Variants in CDYL2 observed in about 807,000 individuals in gnomAD.
CDYL2 encodes the protein chromodomain Y-like protein 2.
Under a neutral mutation model 49.4 loss-of-function variants are expected in CDYL2, and 23 were observed. That is an observed-to-expected ratio of 0.47 (90% CI 0.34 to 0.66). The LOEUF is 0.66. CDYL2 is among the 30% of genes least tolerant of loss of function. The pLI is 0.01. For missense variants in CDYL2, 678 were observed against 656.4 expected (o/e 1.03, Z -0.36); for synonymous variants, 360 against 268.8 (o/e 1.34, Z -3.32).
At chr16:80,764,250 C>A (rs544535327) in intron 1 of CDYL2, among the ~76,000 whole-genome samples, 3 of 152,212 alleles carry the variant, frequency 2.0e-5, no homozygotes, top group African/African-American at 7.2e-5. Flanking sequence ...TACACAGTAG[C>A]CTCAAACAGT....
intron 2 of CDYL2, among the ~76,000 whole-genome samples, chr16:80,665,092 T>C (rs1443912672): frequency 1.3e-5 from 2 of 152,222 alleles, no homozygotes; most frequent in African/African-American, 4.8e-5. Flanking sequence ...ATTTAATAAA[T>C]ATTTCATGAA....
chr16:80,624,061 C>G (rs1355083652), intron 3 of CDYL2, among the ~76,000 whole-genome samples: 1 of 152,206 alleles, frequency 6.6e-6, no homozygotes, highest in East Asian at 1.9e-4. Context: ...CCCCCTCACA[C>G]CCCTGCATAC....
chr16:80,703,199 T>C (rs1196566833), intron 1 of CDYL2, among the ~76,000 whole-genome samples: 1 of 152,228 alleles, frequency 6.6e-6, no homozygotes, highest in Non-Finnish European at 1.5e-5. Flanking sequence ...GGAGCAAGAT[T>C]AGTGTTAATT....
chr16:80,748,109 T>C (rs1182490567), intron 1 of CDYL2, among the ~76,000 whole-genome samples: 2 of 146,412 alleles, frequency 1.4e-5, no homozygotes, highest in East Asian at 4.0e-4. Flanking sequence ...TCACAGGTGA[T>C]TCTGGGAAGA....
intron 2 of CDYL2, among the ~76,000 whole-genome samples, chr16:80,654,875 AC>A (rs1908738081): frequency 6.6e-6 from 1 of 152,202 alleles, no homozygotes; most frequent in South Asian, 2.1e-4. Flanking sequence ...CGGAGAGTAA[AC>A]ACGAGTGTCT....
At chr16:80,671,017 G>T (rs1000106791) in intron 2 of CDYL2, 3 of 455,836 alleles carry the variant, frequency 6.6e-6, no homozygotes, top group Non-Finnish European at 1.3e-5. Context: ...CTTCTAACCA[G>T]TCTAGGGTTG....
intron 1 of CDYL2, chr16:80,736,399 A>T (rs1174544448): frequency 6.6e-6 from 1 of 152,210 alleles, no homozygotes; most frequent in African/African-American, 2.4e-5. Context: ...CTTATTTTCA[A>T]GTTACTAATT....
At chr16:80,703,455 G>C (rs574386686) in intron 1 of CDYL2, among the ~76,000 whole-genome samples, 40 of 152,282 alleles carry the variant, frequency 2.6e-4, no homozygotes, top group Non-Finnish European at 4.7e-4. Flanking sequence ...GATTGGACTA[G>C]AGCTACCAAC....
At chr16:80,645,222 A>G (rs1414546325) in intron 2 of CDYL2, among the ~76,000 whole-genome samples, 2 of 152,318 alleles carry the variant, frequency 1.3e-5, no homozygotes, top group African/African-American at 4.8e-5. Flanking sequence ...ATGGGAGAAC[A>G]TTTTTGCAAT....
intron 1 of CDYL2, among the ~76,000 whole-genome samples, chr16:80,721,794 C>G (rs965824211): frequency 2.6e-5 from 4 of 152,172 alleles, no homozygotes; most frequent in African/African-American, 9.7e-5. Flanking sequence ...CTGCTCTGTC[C>G]CCTCCCCGGT....
intron 1 of CDYL2, among the ~76,000 whole-genome samples, chr16:80,785,889 T>C (rs925545511): frequency 1.1e-4 from 17 of 152,182 alleles, no homozygotes; most frequent in African/African-American, 3.1e-4. Context: ...ATAAATGGTG[T>C]TGGGAAAATT....
intron 3 of CDYL2, among the ~76,000 whole-genome samples, chr16:80,631,581 T>C (rs1253433027): frequency 1.3e-5 from 2 of 152,226 alleles, no homozygotes; most frequent in Non-Finnish European, 2.9e-5. Context: ...AATTTGTTTG[T>C]CATAGGGCAC....
chr16:80,657,196 GA>G (rs1382150254), intron 2 of CDYL2, among the ~76,000 whole-genome samples: 2 of 152,158 alleles, frequency 1.3e-5, no homozygotes, highest in African/African-American at 4.8e-5. Flanking sequence ...TTAACATCAT[GA>G]AACAATTTGA....
chr16:80,726,606 G>A (rs1218736450), intron 1 of CDYL2, among the ~76,000 whole-genome samples: 1 of 152,144 alleles, frequency 6.6e-6, no homozygotes, highest in Non-Finnish European at 1.5e-5. Flanking sequence ...CACAAAGAAA[G>A]AGATGAATAA....
intron 1 of CDYL2, among the ~76,000 whole-genome samples, chr16:80,758,337 A>C (rs1906385451): frequency 6.6e-6 from 1 of 152,090 alleles, no homozygotes; most frequent in African/African-American, 2.4e-5. Context: ...AATAAACAAA[A>C]GTAATAACTA....
At chr16:80,747,239 C>T (rs1419557256) in intron 1 of CDYL2, among the ~76,000 whole-genome samples, 1 of 152,130 alleles carries the variant, frequency 6.6e-6, no homozygotes, top group Non-Finnish European at 1.5e-5. Context: ...TTTGCATGAA[C>T]CACCCCATAG....
chr16:80,789,603 A>G (rs1457939741), intron 1 of CDYL2, among the ~76,000 whole-genome samples: 1 of 152,248 alleles, frequency 6.6e-6, no homozygotes, highest in East Asian at 1.9e-4. Flanking sequence ...CCAGCAAAAA[A>G]AAAAAGACAC....
chr16:80,729,002 A>G (rs1905247428), intron 1 of CDYL2, among the ~76,000 whole-genome samples: 1 of 152,132 alleles, frequency 6.6e-6, no homozygotes, highest in African/African-American at 2.4e-5. Context: ...AAATCATGCC[A>G]AAATGTAAAG....
In CDYL2 at chr16:80,804,227, C is replaced by T; in HGVS notation, c.-54G>A. Reference sequence around the variant, plus strand: ...GTGCGCGTCTGCTCGCTCGCGCCCTCCGTGCGTGTGCGCGCGGGGTCCGGT... The same window carrying T: ...GTGCGCGTCTGCTCGCTCGCGCCCTTCGTGCGTGTGCGCGCGGGGTCCGGT... On this transcript the variant is annotated 5_prime_UTR_variant, in exon 1 of 7. Coordinates refer to ENST00000570137, the MANE Select transcript of CDYL2 (RefSeq NM_152342.4). 3.8e-6 allele frequency: 5 copies of T among 1,331,012 alleles called. No individual in the cohort carries two copies. The highest frequency in any genetic ancestry group is 3.9e-6 in the Non-Finnish European group (4 of 1,013,438). The allele number at this position is 1,331,012 out of a possible 1,614,324, so 82.5% of individuals were successfully genotyped here. A position where few individuals can be genotyped will look rare whatever the true frequency, so the allele number is the denominator to read the frequency against.
Sources: allele counts gnomAD v4.1 joint callset (sites outside exome capture counted in the v4.1 genomes callset), GRCh38; gene constraint gnomAD v4.1.1; transcripts MANE v1.5; gene names NCBI Gene and HGNC (gene_info 2026-07-23, HGNC 2026-07-21).